The following WDR44 variants were observed in gnomAD, a reference collection of about 807,000 sequenced individuals.
The protein encoded by WDR44 is WD repeat domain 44.
WDR44 carries 9 observed loss-of-function variants against 65.7 expected under a neutral mutation model. That is an observed-to-expected ratio of 0.14 (90% confidence interval 0.08 to 0.24). WDR44 has a LOEUF of 0.24. Ranked by LOEUF, WDR44 falls within the 10% of genes least tolerant of loss-of-function variation. The probability of loss-of-function intolerance (pLI) is 1.00; values close to 1 mark genes in which losing one functional copy is unlikely to be tolerated. For missense variants in WDR44, 425 were observed against 670.9 expected, an observed-to-expected ratio of 0.63 and a Z score of 4.05; for synonymous variants, 220 against 235.2, an observed-to-expected ratio of 0.94 and a Z score of 0.59.
intron 12 of WDR44, among the ~76,000 whole-genome samples, chrX:118,427,333 C>T (rs1304564815): frequency 1.9e-5 from 2 of 105,626 alleles, no homozygotes; most frequent in Non-Finnish European, 1.9e-5. Flanking sequence ...TGCAGTGGCG[C>T]GATCTCTGCT....
At chrX:118,446,470 A>G (rs2057347461) in intron 19 of WDR44, among the ~76,000 whole-genome samples, 1 of 111,934 alleles carries the variant, frequency 8.9e-6, no homozygotes, top group South Asian at 3.7e-4. Flanking sequence ...ATAATAGTTT[A>G]TTGACTGTAT....
chrX:118,399,006 G>A (rs976565529), intron 8 of WDR44, among the ~76,000 whole-genome samples: 18 of 112,038 alleles, frequency 1.6e-4, no homozygotes, highest in African/African-American at 4.2e-4. Context: ...AGGTAGGTAC[G>A]AAAAGTGTTA....
chrX:118,352,348 ATATATTTTTTTTT>A (rs1427635115), intron 1 of WDR44, among the ~76,000 whole-genome samples: 3 of 23,336 alleles, frequency 1.3e-4, no homozygotes, highest in East Asian at 2.6e-3. Flanking sequence ...ATATATATAT[ATATATTTTTTTTT>A]TTTTTTTTTT....
Position 118,442,244 on chromosome X carries a change from C to T in WDR44, c.2167C>T (p.His723Tyr). The stretch of plus-strand genomic sequence containing the variant: ...TGTTAAATGTATGGTTTATTTTTAG[C>T]ATTTGAAATACCATACACAAATACA... ...DGRCIFYDTEHLKYHTQIHVR... is the reference protein window; with the variant it reads ...DGRCIFYDTEYLKYHTQIHVR... Residue 723 changes from histidine to tyrosine, a missense_variant and splice_region_variant, in exon 16 of 20, where the codon CAT becomes TAT. This residue lies in a region of WDR44 where 73 missense variants were observed against 187.4 expected (regional missense o/e 0.39). Transcript: ENST00000254029. 1.7e-6 allele frequency: 2 copies of T among 1,197,935 alleles called. No individual in the cohort carries two copies. Among genetic ancestry groups the T allele is most frequent in the Non-Finnish European group, 2.3e-6 (2 of 884,529 alleles).
chrX:118,347,286 A>T (rs2056360835), intron 1 of WDR44, among the ~76,000 whole-genome samples: 1 of 112,278 alleles, frequency 8.9e-6, no homozygotes, highest in Admixed American at 9.4e-5. Context: ...GGGACAAACA[A>T]GTGCTGAGTA....
Position 118,346,465 on chromosome X carries a change from G to A in WDR44, c.-39G>A. 8.5e-7 allele frequency: 1 copy of A among 1,172,889 alleles called. No individual in the cohort carries two copies. Among genetic ancestry groups the A allele is most frequent in the Middle Eastern group, 2.4e-4 (1 of 4,232 alleles). On this transcript the variant is annotated 5_prime_UTR_variant, in exon 1 of 20. Coordinates refer to ENST00000254029, the MANE Select transcript of WDR44 (RefSeq NM_019045.5). ...GGAGACAAGAGTCACCCTTCCTCCAGGCGGCGCCGGCCCCCTCACCCGCGG... is the reference window on the plus strand; with the variant it reads ...GGAGACAAGAGTCACCCTTCCTCCAAGCGGCGCCGGCCCCCTCACCCGCGG...
Position 118,448,895 on chromosome X carries a change from A to G in WDR44, c.2650A>G (p.Ile884Val). 3.4e-6 allele frequency: 4 copies of G among 1,175,669 alleles called. No homozygotes were observed. The highest frequency in any genetic ancestry group is 3.8e-5 in the South Asian group (2 of 52,591). The change falls in exon 20 of 20, where the codon ATT becomes GTT. Residue 884 changes from isoleucine to valine, a missense_variant and splice_region_variant. By Grantham distance (29) the Ile-to-Val change is conservative. This residue lies in a region of WDR44 where 37 missense variants were observed against 40.9 expected (regional missense o/e 0.90). Coordinates refer to ENST00000254029, the MANE Select transcript of WDR44 (RefSeq NM_019045.5). ...AEVLDATPSG[I>V]MKTDNTEVLL... is the part of the protein sequence containing the mutation. ...AAACTATTTTTTATACTTTTAAGGT[A>G]TTATGAAGACAGATAACACAGAAGT...
chrX:118,440,133 AAAG>A (rs1457126417), intron 14 of WDR44, among the ~76,000 whole-genome samples: 41 of 108,071 alleles, frequency 3.8e-4, no homozygotes, highest in African/African-American at 1.2e-3. Context: ...AAAAAAAAAA[AAAG>A]AAAGAAAGAA....
chrX:118,406,841 A>G, intron 9 of WDR44, 34 bp from the exon 10 acceptor site: 1 of 1,155,264 alleles, frequency 8.7e-7, no homozygotes, highest in Non-Finnish European at 1.2e-6. Context: ...TATCTACATT[A>G]GCTAGTAGTG....
intron 1 of WDR44, among the ~76,000 whole-genome samples, chrX:118,364,173 T>TA (rs1402375977): frequency 1.8e-5 from 2 of 112,720 alleles, no homozygotes; most frequent in African/African-American, 6.4e-5. Flanking sequence ...TCCTCGTTTG[T>TA]AAAAACTATT....
chrX:118,364,762 G>T (rs762524118), intron 1 of WDR44, among the ~76,000 whole-genome samples: 1 of 112,212 alleles, frequency 8.9e-6, no homozygotes, highest in South Asian at 3.8e-4. Context: ...TCCCTATTGA[G>T]ACATCATTGA....
At position 118,448,912 on chromosome X, in the gene WDR44, C is replaced by A. The variant is rs2057369676; in HGVS notation, c.2667C>A (p.Asn889Lys). Residue 889 changes from asparagine (N) to lysine (K), a missense_variant, in exon 20 of 20, where the codon AAC becomes AAA. Physicochemically the swap from Asn to Lys is moderately conservative, Grantham distance 94. This residue lies in a region of WDR44 where 37 missense variants were observed against 40.9 expected (regional missense o/e 0.90). Transcript: ENST00000254029. Reference protein sequence around the residue: ...ATPSGIMKTDNTEVLLSADFT... With the variant: ...ATPSGIMKTDKTEVLLSADFT... ...TTTAAGGTATTATGAAGACAGATAACACAGAAGTTCTTCTCTCTGCTGACT... is the reference window on the plus strand; with the variant it reads ...TTTAAGGTATTATGAAGACAGATAAAACAGAAGTTCTTCTCTCTGCTGACT... 1 of 1,194,264 alleles carries A rather than the reference C, an allele frequency of 8.4e-7. No individual in the cohort carries two copies. Among genetic ancestry groups the A allele is most frequent in the South Asian group, 1.8e-5 (1 of 54,146 alleles).
At chrX:118,355,921 A>G (rs762129227) in intron 1 of WDR44, among the ~76,000 whole-genome samples, 6 of 111,982 alleles carry the variant, frequency 5.4e-5, no homozygotes, top group Non-Finnish European at 9.4e-5. Context: ...AGGACATCCT[A>G]TACCCAGTAA....
intron 12 of WDR44, among the ~76,000 whole-genome samples, chrX:118,430,660 T>G (rs2057202138): frequency 1.8e-5 from 2 of 111,064 alleles, no homozygotes; most frequent in African/African-American, 6.6e-5. Flanking sequence ...GCCAACATGG[T>G]GAAACCCTGT....
intron 19 of WDR44, among the ~76,000 whole-genome samples, chrX:118,447,302 T>C (rs2057354558): frequency 9.0e-6 from 1 of 111,484 alleles, no homozygotes; most frequent in Non-Finnish European, 1.9e-5. Flanking sequence ...AGGGTTTTTT[T>C]TAACTTCTCA....
chrX:118,399,296 A>G (rs895560147), intron 8 of WDR44, among the ~76,000 whole-genome samples: 1 of 112,229 alleles, frequency 8.9e-6, no homozygotes, highest in Non-Finnish European at 1.9e-5. Flanking sequence ...TGTTTCCCCT[A>G]CAAACTTCTA....
chrX:118,372,950 T>C (rs2056627101), intron 1 of WDR44, among the ~76,000 whole-genome samples: 2 of 110,587 alleles, frequency 1.8e-5, no homozygotes, highest in African/African-American at 6.6e-5. Context: ...TAAGCCGGGC[T>C]TGGGGGCGGG....
At chrX:118,402,864 T>C (rs761897103) in intron 8 of WDR44, among the ~76,000 whole-genome samples, 4 of 112,650 alleles carry the variant, frequency 3.6e-5, no homozygotes, top group Non-Finnish European at 7.5e-5. Context: ...GCTACATTTG[T>C]AGTGATTGCT....
intron 1 of WDR44, among the ~76,000 whole-genome samples, chrX:118,374,927 T>G (rs1013902395): frequency 1.8e-5 from 2 of 111,898 alleles, no homozygotes; most frequent in Non-Finnish European, 3.8e-5. Context: ...AGAAACAATA[T>G]TGAAGCAAGG....
Sources: allele counts gnomAD v4.1 joint callset (sites outside exome capture counted in the v4.1 genomes callset), GRCh38; gene constraint gnomAD v4.1.1; regional missense constraint gnomAD v4.1.1; transcripts MANE v1.5; gene names NCBI Gene and HGNC (gene_info 2026-07-23, HGNC 2026-07-21).